UBAC2: variants seen among roughly 807,000 people sequenced by gnomAD.
The protein encoded by UBAC2 is UBA domain containing 2, also known as ubiquitin-associated domain-containing protein 2.
In UBAC2, 26 loss-of-function variants were observed where a neutral mutation model predicts 44.0. The observed-to-expected ratio is 0.59, with a 90% confidence interval of 0.43 to 0.82. The LOEUF (loss-of-function observed/expected upper bound fraction) is 0.82. UBAC2 is among the 40% of genes least tolerant of loss of function. The pLI is 0.00. For synonymous variants in UBAC2, 155 were observed against 154.3 expected (o/e 1.00, Z -0.04); for missense variants, 329 against 419.4 (o/e 0.78, Z 1.88).
intron 8 of UBAC2, among the ~76,000 whole-genome samples, chr13:99,369,377 G>A (rs1222101269): frequency 6.6e-6 from 1 of 152,170 alleles, no homozygotes; most frequent in East Asian, 1.9e-4. Context: ...GCGATACGTG[G>A]TACGAGACTC....
intron 4 of UBAC2, among the ~76,000 whole-genome samples, chr13:99,309,406 G>T (rs2044382421): frequency 6.6e-6 from 1 of 152,122 alleles, no homozygotes; most frequent in South Asian, 2.1e-4. Context: ...ACCGTGCCCA[G>T]CCCCTTTTTT....
At chr13:99,330,301 A>G (rs2044696853) in intron 6 of UBAC2, among the ~76,000 whole-genome samples, 1 of 151,742 alleles carries the variant, frequency 6.6e-6, no homozygotes, top group African/African-American at 2.4e-5. Flanking sequence ...TCTACTAAAA[A>G]TACAAAAATT....
At chr13:99,358,662 C>CTA (rs1239255925) in intron 7 of UBAC2, among the ~76,000 whole-genome samples, 3 of 152,150 alleles carry the variant, frequency 2.0e-5, no homozygotes, top group Non-Finnish European at 4.4e-5. Context: ...ATCTTAGGAA[C>CTA]TAACTCTGGA....
At chr13:99,265,804 G>C (rs148932418) in intron 4 of UBAC2, among the ~76,000 whole-genome samples, 158 of 152,310 alleles carry the variant, frequency 1.0e-3, no homozygotes, top group African/African-American at 3.7e-3. Context: ...CAATTACAAA[G>C]ACGTACCAAA....
intron 8 of UBAC2, among the ~76,000 whole-genome samples, chr13:99,383,353 C>CA (rs66626478): frequency 0.83 from 127,133 of 152,282 alleles, 53,411 homozygotes; most frequent in Middle Eastern, 0.94. Context: ...TCCAGCCAAC[C>CA]AAATGAATTC....
intron 1 of UBAC2, among the ~76,000 whole-genome samples, chr13:99,228,241 G>A (rs1160723750): frequency 6.6e-6 from 1 of 152,144 alleles, no homozygotes; most frequent in African/African-American, 2.4e-5. Flanking sequence ...GGGAAGCCCG[G>A]GGTGTTGTGA....
chr13:99,380,121 C>G (rs2045531785), intron 8 of UBAC2, among the ~76,000 whole-genome samples: 1 of 152,170 alleles, frequency 6.6e-6, no homozygotes. Flanking sequence ...GACTGCAGCC[C>G]ATCACATGAG....
intron 7 of UBAC2, among the ~76,000 whole-genome samples, chr13:99,367,586 C>A (rs566022597): frequency 6.6e-6 from 1 of 152,208 alleles, no homozygotes; most frequent in African/African-American, 2.4e-5. Context: ...CTCCTGAGCA[C>A]CTACTGCAGG....
intron 6 of UBAC2, among the ~76,000 whole-genome samples, chr13:99,323,222 G>A (rs1272983216): frequency 6.6e-6 from 1 of 152,052 alleles, no homozygotes; most frequent in Non-Finnish European, 1.5e-5. Flanking sequence ...CTCCTCTGAT[G>A]CACAAGCCTC....
At chr13:99,292,293 G>A (rs1185241035) in intron 4 of UBAC2, among the ~76,000 whole-genome samples, 1 of 149,534 alleles carries the variant, frequency 6.7e-6, no homozygotes, top group Admixed American at 6.7e-5. Flanking sequence ...CCACCACCAC[G>A]CCCAGCTAAT....
chr13:99,255,509 C>T, intron 4 of UBAC2: 1 of 1,614,126 alleles, frequency 6.2e-7, no homozygotes, highest in Non-Finnish European at 8.5e-7. Context: ...TGTACAATGG[C>T]CATGTATCTG....
chr13:99,255,454 A>AGCACGGCTTT (rs1320240042), intron 4 of UBAC2: 2 of 1,614,126 alleles, frequency 1.2e-6, no homozygotes, highest in African/African-American at 2.7e-5. Context: ...CACACACGCC[A>AGCACGGCTTT]GCACGGCTTT....
At chr13:99,339,609 TCTAATC>T (rs1383243432) in intron 6 of UBAC2, among the ~76,000 whole-genome samples, 2 of 151,890 alleles carry the variant, frequency 1.3e-5, no homozygotes, top group South Asian at 2.1e-4. Flanking sequence ...AATCTGATCT[TCTAATC>T]CTAAGAATCA....
intron 1 of UBAC2, among the ~76,000 whole-genome samples, chr13:99,236,975 TAAAA>T (rs35801009): frequency 0.01 from 1,510 of 149,062 alleles, 29 homozygotes; most frequent in African/African-American, 0.036. Flanking sequence ...TGGAGGTTCT[TAAAA>T]AAAAAAAATA....
Position 99,337,002 on chromosome 13 carries a change from TA to T in UBAC2, c.562-3317del, listed in dbSNP as rs2044798899. Among the ~76,000 whole-genome samples the T allele has an allele frequency of 1.3e-5, 2 of 151,058 alleles. 1 individual carries two copies. Among genetic ancestry groups the T allele is most frequent in the African/African-American group, 4.9e-5 (2 of 41,176 alleles). ...CTTCTGTGACCCCTCCTAGCACACA[TA>T]GTCATCATCTTTGCGCTTTCCTGTC... On this transcript the variant is annotated intron_variant, in intron 6 of 8. Transcript: ENST00000403766.
At chr13:99,349,826 T>TGA (rs2045053218) in intron 7 of UBAC2, among the ~76,000 whole-genome samples, 2 of 152,152 alleles carry the variant, frequency 1.3e-5, no homozygotes, top group Non-Finnish European at 2.9e-5. Flanking sequence ...GGGAGGGGTT[T>TGA]AGGACTTCGG....
At chr13:99,256,209 C>T (rs980261893) in intron 4 of UBAC2, 4 of 176,806 alleles carry the variant, frequency 2.3e-5, no homozygotes, top group African/African-American at 9.4e-5. Context: ...TTCACAGCAA[C>T]TCTACTTTGC....
At chr13:99,294,999 G>T (rs931334548) in intron 4 of UBAC2, 108 of 1,521,298 alleles carry the variant, frequency 7.1e-5, no homozygotes, top group Non-Finnish European at 8.7e-5. Context: ...TGCTTTATAA[G>T]GGAAGTCCTG....
intron 5 of UBAC2, among the ~76,000 whole-genome samples, chr13:99,315,809 G>A (rs7358849): frequency 3.6e-4 from 55 of 151,682 alleles, no homozygotes; most frequent in African/African-American, 1.3e-3. Flanking sequence ...TGTATTTCTT[G>A]TTTTGTTTTT....
Sources: gnomAD v4.1 joint callset for allele counts (sites outside exome capture counted in the v4.1 genomes callset) on GRCh38, gnomAD v4.1.1 for gene constraint, MANE v1.5 for transcripts, NCBI Gene and HGNC (gene_info 2026-07-23, HGNC 2026-07-21) for gene names.